Variants in NFAM1 observed in about 807,000 individuals in gnomAD.
NFAM1 encodes the protein NFAT activating protein with ITAM motif 1, also known as NFAT activation molecule 1.
A neutral mutation model predicts 29.0 loss-of-function variants in NFAM1; 17 were observed. The ratio of observed to expected loss-of-function variants is 0.59; its 90% confidence interval spans 0.40 to 0.88. The LOEUF (loss-of-function observed/expected upper bound fraction) is 0.88, where lower values mean the gene tolerates loss of function less well. NFAM1 is among the 40% of genes least tolerant of loss of function. The probability of loss-of-function intolerance (pLI) is 0.00; values close to 1 mark genes in which losing one functional copy is unlikely to be tolerated. For synonymous variants in NFAM1, 175 were observed against 147.2 expected, an observed-to-expected ratio of 1.19 and a Z score of -1.36; for missense variants, 324 against 344.6, an observed-to-expected ratio of 0.94 and a Z score of 0.47.
At chr22:42,432,519 A>C, upstream of NFAM1, 1 of 972,626 alleles carries the variant, frequency 1.0e-6, no homozygotes, top group Non-Finnish European at 1.5e-6. Flanking sequence ...CCGCCAGATG[A>C]GGAACCTGGC....
At chr22:42,390,263 C>T (rs754337286) in intron 4 of NFAM1, among the ~76,000 whole-genome samples, 1 of 152,050 alleles carries the variant, frequency 6.6e-6, no homozygotes, top group Non-Finnish European at 1.5e-5. Flanking sequence ...CCGTGGAAAC[C>T]CGGACACCCT....
At chr22:42,396,942 C>CGTGCACCTGGGGGGA (rs1929548412) in intron 4 of NFAM1, among the ~76,000 whole-genome samples, 2 of 151,982 alleles carry the variant, frequency 1.3e-5, no homozygotes, top group Non-Finnish European at 2.9e-5. Context: ...ACCTGGGGGG[C>CGTGCACCTGGGGGGA]GTGCACCTGG....
rs763758023 is a variant in NFAM1, at chr22:42,411,570, T to C, written c.288A>G (p.Pro96=). Residue 96 remains proline (P), a synonymous_variant, in exon 2 of 6, where the codon CCA becomes CCG. Coordinates refer to ENST00000329021, the MANE Select transcript of NFAM1 (RefSeq NM_145912.8). ...TGCCCAGTCCAGGGTGGCAGTTTGT[T>C]GGCTTCTTAGGGCTCCTCTGTCCCT... ...DLQGQRSPKK[P]TNCHPGLGTE... 1 of 1,614,212 alleles carries C rather than the reference T, an allele frequency of 6.2e-7. No homozygotes were observed. The highest frequency in any genetic ancestry group is 1.1e-5 in the South Asian group (1 of 91,086).
intron 1 of NFAM1, among the ~76,000 whole-genome samples, chr22:42,431,002 G>C (rs1229800288): frequency 6.6e-6 from 1 of 152,202 alleles, no homozygotes; most frequent in Non-Finnish European, 1.5e-5. Flanking sequence ...CTAGGGCTCT[G>C]GGCTGCAGCC....
intron 3 of NFAM1, among the ~76,000 whole-genome samples, chr22:42,406,990 TGGTCTC>T (rs2147104790): frequency 6.6e-6 from 1 of 152,096 alleles, no homozygotes; most frequent in East Asian, 1.9e-4. Context: ...TTAGCCAGGA[TGGTCTC>T]GGTCTCCTGA....
At chr22:42,391,945 CAAAA>C (rs58006775) in intron 4 of NFAM1, among the ~76,000 whole-genome samples, 18 of 68,940 alleles carry the variant, frequency 2.6e-4, no homozygotes, top group African/African-American at 7.2e-4. Flanking sequence ...GACTCTGTCT[CAAAA>C]AAAAAAAAAA....
chr22:42,399,767 C>T (rs547889172), intron 3 of NFAM1, among the ~76,000 whole-genome samples: 6 of 152,298 alleles, frequency 3.9e-5, no homozygotes, highest in East Asian at 1.9e-4. Context: ...AGGCACCACA[C>T]GGCCACTGCT....
At position 42,419,337 on chromosome 22, in the gene NFAM1, G is replaced by A. The variant is rs1930358973; in HGVS notation, c.122-7601C>T. Among the ~76,000 whole-genome samples the A allele has an allele frequency of 6.6e-6, 1 of 152,052 alleles. No homozygotes were observed. Among genetic ancestry groups the A allele is most frequent in the Non-Finnish European group, 1.5e-5 (1 of 68,020 alleles). On this transcript the variant is annotated intron_variant, in intron 1 of 5. Coordinates refer to ENST00000329021, the MANE Select transcript of NFAM1 (RefSeq NM_145912.8). This position sits in a 1 kb window ranked among gnomAD's most constrained non-coding sequence, Gnocchi z 4.5. ...CTCCTGCCCTGCCTGAACCGGCAGG[G>A]GCTCCCTGCTGGAGGAGACCCAGGA...
chr22:42,411,061 G>C (rs1930071695), intron 2 of NFAM1, among the ~76,000 whole-genome samples: 1 of 113,452 alleles, frequency 8.8e-6, no homozygotes, highest in Non-Finnish European at 1.7e-5. Flanking sequence ...TTTTGCTCTT[G>C]TCACCCAGGC....
At chr22:42,427,916 C>T (rs931941849) in intron 1 of NFAM1, among the ~76,000 whole-genome samples, 3 of 152,046 alleles carry the variant, frequency 2.0e-5, no homozygotes, top group African/African-American at 4.8e-5. Context: ...GTCTGTGGGG[C>T]GAGGGGAGTA....
In NFAM1 at chr22:42,381,771, G is replaced by A; in HGVS notation, c.*3390C>T. 1 of 153,490 alleles carries A rather than the reference G, an allele frequency of 6.5e-6. No homozygotes were observed. Among genetic ancestry groups the A allele is most frequent in the Non-Finnish European group, 1.5e-5 (1 of 68,794 alleles). The allele number at this position is 153,490 out of a possible 1,614,324, so 9.5% of individuals were successfully genotyped here. A position where few individuals can be genotyped will look rare whatever the true frequency, so the allele number is the denominator to read the frequency against. On this transcript the variant is annotated 3_prime_UTR_variant, in exon 6 of 6. Transcript: ENST00000329021. The stretch of plus-strand genomic sequence containing the variant: ...CATTCATTCAGCTCCTGCTAAGCCA[G>A]CACCCTCCTTCCCTCACCTCTCTGC...
At chr22:42,404,712 A>G (rs1534915) in intron 3 of NFAM1, among the ~76,000 whole-genome samples, 4,259 of 152,140 alleles carry the variant, frequency 0.028, 203 homozygotes, top group African/African-American at 0.099. Flanking sequence ...AAAATTAGCC[A>G]GGCGTGGTAT....
chr22:42,411,085 T>C (rs540901229), intron 2 of NFAM1, among the ~76,000 whole-genome samples: 1 of 146,334 alleles, frequency 6.8e-6, no homozygotes, highest in Non-Finnish European at 1.5e-5. Flanking sequence ...AGTGCAATGG[T>C]GCGATCTAGG....
intron 1 of NFAM1, among the ~76,000 whole-genome samples, chr22:42,430,824 G>A (rs1930773528): frequency 6.6e-6 from 1 of 152,002 alleles, no homozygotes; most frequent in Admixed American, 6.6e-5. Flanking sequence ...TTGGGGAGGA[G>A]GAACCACACA....
intron 3 of NFAM1, among the ~76,000 whole-genome samples, chr22:42,398,234 C>A (rs1322968859): frequency 6.6e-6 from 1 of 152,184 alleles, no homozygotes; most frequent in African/African-American, 2.4e-5. Flanking sequence ...CTACTGGGAC[C>A]AGTGCCAGTG....
At chr22:42,393,117 T>C (rs192804684) in intron 4 of NFAM1, among the ~76,000 whole-genome samples, 6 of 152,226 alleles carry the variant, frequency 3.9e-5, no homozygotes, top group Admixed American at 3.3e-4. Flanking sequence ...TTTTTTTTCA[T>C]GTCATAATAT....
intron 3 of NFAM1, among the ~76,000 whole-genome samples, chr22:42,408,077 A>G (rs1214952125): frequency 1.3e-5 from 2 of 151,978 alleles, no homozygotes; most frequent in Non-Finnish European, 2.9e-5. Context: ...TATTTTTAGT[A>G]GAGATGGGAT....
chr22:42,385,388 C>T (rs887485955), intron 5 of NFAM1, among the ~76,000 whole-genome samples, 168 bp from the exon 6 acceptor site: 2 of 151,986 alleles, frequency 1.3e-5, no homozygotes, highest in African/African-American at 4.8e-5. Flanking sequence ...AGCCTCTTCC[C>T]CCACCATGCT....
At chr22:42,437,531 G>A in the NFAM1 span, among the ~76,000 whole-genome samples, 149 of 152,250 alleles carry the variant, frequency 9.8e-4, no homozygotes, top group Non-Finnish European at 2.0e-3. Flanking sequence ...TGAAAGAGAC[G>A]AGCACAGAAC....
Sources: gnomAD v4.1 joint callset for allele counts (sites outside exome capture counted in the v4.1 genomes callset) on GRCh38, gnomAD v4.1.1 for gene constraint, Gnocchi (gnomAD v3.1) non-coding constraint, MANE v1.5 for transcripts, NCBI Gene and HGNC (gene_info 2026-07-23, HGNC 2026-07-21) for gene names.